OR14I1: variants seen among roughly 807,000 people sequenced by gnomAD.
OR14I1 encodes the protein olfactory receptor family 14 subfamily I member 1, also known as olfactory receptor 14I1.
For synonymous variants in OR14I1, 118 were observed against 71.1 expected (o/e 1.66, Z -3.32); for missense variants, 279 against 181.8 (o/e 1.53, Z -3.07).
the OR14I1 span, among the ~76,000 whole-genome samples, chr1:248,701,154 T>G: frequency 3.3e-5 from 5 of 152,334 alleles, no homozygotes; most frequent in African/African-American, 1.2e-4. Context: ...TTACACACTT[T>G]TAACTTTTTT....
chr1:248,693,142 T>A, the OR14I1 span, among the ~76,000 whole-genome samples: 2 of 152,252 alleles, frequency 1.3e-5, no homozygotes, highest in Middle Eastern at 3.4e-3. Flanking sequence ...TTTTAACATT[T>A]CTCCCATTGC....
At chr1:248,695,184 C>T in the OR14I1 span, among the ~76,000 whole-genome samples, 4 of 139,010 alleles carry the variant, frequency 2.9e-5, no homozygotes, top group African/African-American at 1.1e-4. Flanking sequence ...TTCAAAATTA[C>T]TTTTTAAAGT....
At chr1:248,699,958 C>A in the OR14I1 span, among the ~76,000 whole-genome samples, 1 of 152,174 alleles carries the variant, frequency 6.6e-6, no homozygotes, top group African/African-American at 2.4e-5. Context: ...GGGGTTTCAC[C>A]ATGATGTTAG....
chr1:248,681,553 G>A, exon 1 of OR14I1: 1 of 781,018 alleles, frequency 1.3e-6, no homozygotes, highest in Non-Finnish European at 2.4e-6. Flanking sequence ...GAGCCCTGTG[G>A]TAAGAAAGAG....
chr1:248,688,537 G>A, the OR14I1 span, among the ~76,000 whole-genome samples: 3 of 152,222 alleles, frequency 2.0e-5, no homozygotes, highest in Non-Finnish European at 4.4e-5. Flanking sequence ...GGAACCCACT[G>A]AAGACTAGAA....
chr1:248,701,049 C>T, the OR14I1 span, among the ~76,000 whole-genome samples: 1 of 152,124 alleles, frequency 6.6e-6, no homozygotes, highest in Non-Finnish European at 1.5e-5. Flanking sequence ...TAAGATTTAG[C>T]CTCCAATCAA....
upstream of OR14I1, among the ~76,000 whole-genome samples, chr1:248,686,119 C>T (rs1661646569): frequency 6.6e-6 from 1 of 152,062 alleles, no homozygotes; most frequent in Non-Finnish European, 1.5e-5. Context: ...AACCGTAAAG[C>T]ATATTGAATT....
chr1:248,686,468 C>G (rs554540438), upstream of OR14I1, among the ~76,000 whole-genome samples: 1 of 152,128 alleles, frequency 6.6e-6, no homozygotes, highest in Non-Finnish European at 1.5e-5. Flanking sequence ...AGGAACAAAA[C>G]CAATACACAC....
At chr1:248,685,768 A>G (rs1236240404), upstream of OR14I1, among the ~76,000 whole-genome samples, 2 of 150,234 alleles carry the variant, frequency 1.3e-5, no homozygotes, top group Non-Finnish European at 3.0e-5. Flanking sequence ...GTATACATAC[A>G]TATATATGTA....
At chr1:248,679,417 A>G (rs1229373095), downstream of OR14I1, among the ~76,000 whole-genome samples, 1 of 151,530 alleles carries the variant, frequency 6.6e-6, no homozygotes, top group South Asian at 2.1e-4. Flanking sequence ...AATATATATT[A>G]GTATGTTTAG....
chr1:248,701,197 G>A, the OR14I1 span, among the ~76,000 whole-genome samples: 1 of 152,070 alleles, frequency 6.6e-6, no homozygotes, highest in Non-Finnish European at 1.5e-5. Flanking sequence ...TATCACCCAG[G>A]CTGGAGTGCA....
chr1:248,681,137 A>G (rs1661553508), downstream of OR14I1, among the ~76,000 whole-genome samples: 1 of 152,072 alleles, frequency 6.6e-6, no homozygotes, highest in Non-Finnish European at 1.5e-5. Flanking sequence ...CACAACCTTG[A>G]AATATTTTAT....
chr1:248,684,398 A>G (rs1190165471), upstream of OR14I1, among the ~76,000 whole-genome samples: 2 of 152,192 alleles, frequency 1.3e-5, no homozygotes, highest in Admixed American at 6.5e-5. Context: ...CAGCCTACCT[A>G]CTTTGGAGGG....
At chr1:248,693,008 C>T in the OR14I1 span, among the ~76,000 whole-genome samples, 1 of 152,170 alleles carries the variant, frequency 6.6e-6, no homozygotes, top group African/African-American at 2.4e-5. Context: ...TCTACTTCCC[C>T]GATTTCCCTG....
the OR14I1 span, among the ~76,000 whole-genome samples, chr1:248,700,777 T>C: frequency 2.0e-5 from 3 of 152,242 alleles, no homozygotes; most frequent in Non-Finnish European, 4.4e-5. Flanking sequence ...ATTGAGTTCA[T>C]ATGCGTCAGT....
downstream of OR14I1, among the ~76,000 whole-genome samples, chr1:248,678,680 A>G (rs1054003426): frequency 5.3e-5 from 8 of 152,370 alleles, no homozygotes; most frequent in African/African-American, 1.9e-4. Flanking sequence ...AAATCCAGCT[A>G]AAGTATCATT....
chr1:248,698,063 C>A, the OR14I1 span, among the ~76,000 whole-genome samples: 10 of 152,148 alleles, frequency 6.6e-5, no homozygotes, highest in South Asian at 2.1e-3. Flanking sequence ...TGGGTTGTTT[C>A]CATAATTCCT....
chr1:248,689,729 T>G, the OR14I1 span, among the ~76,000 whole-genome samples: 763 of 152,276 alleles, frequency 5.0e-3, 6 homozygotes, highest in African/African-American at 0.017. Context: ...CAAGCAAACC[T>G]AATAGACGTC....
the OR14I1 span, among the ~76,000 whole-genome samples, chr1:248,696,183 A>G: frequency 1.3e-5 from 2 of 152,330 alleles, no homozygotes; most frequent in African/African-American, 4.8e-5. Flanking sequence ...TTGGTGTCAC[A>G]TACTACTCAT....
Sources: allele counts gnomAD v4.1 joint callset (sites outside exome capture counted in the v4.1 genomes callset), GRCh38; gene constraint gnomAD v4.1.1; transcripts MANE v1.5; gene names NCBI Gene and HGNC (gene_info 2026-07-23, HGNC 2026-07-21).